The following GGA1 variants were observed in gnomAD, a reference collection of about 807,000 sequenced individuals.
GGA1 encodes golgi associated, gamma adaptin ear containing, ARF binding protein 1, also known as ADP-ribosylation factor-binding protein GGA1.
In GGA1, 18 loss-of-function variants were observed where a neutral mutation model predicts 76.9. The observed-to-expected ratio is 0.23, with a 90% CI of 0.16 to 0.35. The LOEUF (loss-of-function observed/expected upper bound fraction) is 0.35. Ranked by LOEUF, GGA1 falls within the 10% of genes least tolerant of loss-of-function variation. The pLI is 1.00. For missense variants in GGA1, 755 were observed against 859.0 expected (o/e 0.88, Z 1.51); for synonymous variants, 342 against 354.7 (o/e 0.96, Z 0.40).
At chr22:37,614,804 C>A (rs1411780893) in intron 2 of GGA1, among the ~76,000 whole-genome samples, 2 of 151,948 alleles carry the variant, frequency 1.3e-5, no homozygotes. Flanking sequence ...CATGGTGACA[C>A]CCCGTCTCTA....
chr22:37,611,815 T>G lies in GGA1; in HGVS notation c.44-2375T>G, dbSNP rs570220350. On this transcript the variant is annotated intron_variant, in intron 1 of 16. Transcript: ENST00000343632. ...GGAGAAATGAAGATCGAGCTCTGGC[T>G]GCCGCCATGGCCTTCCCATGCAAAA... is the stretch of plus-strand genomic sequence containing the variant. Among the ~76,000 whole-genome samples, 1,372 of 152,364 alleles carry G rather than the reference T, an allele frequency of 9.0e-3. 11 individuals are homozygous for G. Among genetic ancestry groups the G allele is most frequent in the Non-Finnish European group, 0.011 (764 of 68,040 alleles).
At chr22:37,610,450 T>C (rs1927298704) in intron 1 of GGA1, 1 of 152,206 alleles carries the variant, frequency 6.6e-6, no homozygotes, top group African/African-American at 2.4e-5. Flanking sequence ...TTCAAGTGAT[T>C]CTCCTGTCTC....
intron 1 of GGA1, among the ~76,000 whole-genome samples, chr22:37,611,812 G>C (rs1182548731): frequency 6.6e-6 from 1 of 152,240 alleles, no homozygotes; most frequent in African/African-American, 2.4e-5. Context: ...ATCGAGCTCT[G>C]GCTGCCGCCA....
chr22:37,620,196 G>T, intron 4 of GGA1, 42 bp from the exon 5 acceptor site: 1 of 1,611,358 alleles, frequency 6.2e-7, no homozygotes, highest in Non-Finnish European at 8.5e-7. Context: ...GAAGTGAGTG[G>T]GGCTGGGCAG....
At chr22:37,621,534 G>T in intron 6 of GGA1, 82 bp from the exon 7 acceptor site, 8 of 817,550 alleles carry the variant, frequency 9.8e-6, no homozygotes, top group Non-Finnish European at 1.4e-5. Flanking sequence ...CAGGCAGGAA[G>T]CGGGGAGCCA....
At chr22:37,629,879 C>A in intron 12 of GGA1, 119 bp from the exon 13 acceptor site, 1 of 772,872 alleles carries the variant, frequency 1.3e-6, no homozygotes, top group Non-Finnish European at 2.1e-6. Context: ...GGGTCCCCAC[C>A]TCTGTGGCTG....
chr22:37,624,953 C>T lies in GGA1; in HGVS notation c.833-16C>T, dbSNP rs1386556069. 2.6e-6 allele frequency: 4 copies of T among 1,566,414 alleles called. No homozygotes were observed. In the East Asian group the frequency reaches 7.1e-5, roughly 28 times the overall value. The stretch of plus-strand genomic sequence containing the variant: ...ACAGTCCTTCAGCCTGGCCTCTCCC[C>T]TCCTGCCTGTTCCAGCGGAGATCCT... On this transcript the variant is annotated splice_polypyrimidine_tract_variant and intron_variant, in intron 9 of 16. Coordinates refer to ENST00000343632, the MANE Select transcript of GGA1 (RefSeq NM_013365.5). This position sits in a 1 kb window ranked among gnomAD's most constrained non-coding sequence, Gnocchi z 4.3.
intron 1 of GGA1, among the ~76,000 whole-genome samples, chr22:37,613,470 G>A (rs936971700): frequency 2.6e-5 from 4 of 151,854 alleles, no homozygotes; most frequent in South Asian, 2.1e-4. Flanking sequence ...GCGAGACCTC[G>A]GCTCACTCCA....
At chr22:37,622,833 TC>T (rs1930141429) in intron 7 of GGA1, among the ~76,000 whole-genome samples, 1 of 152,128 alleles carries the variant, frequency 6.6e-6, no homozygotes, top group Admixed American at 6.5e-5. Context: ...GCCGGGCTGC[TC>T]CCAAAAGCAG....
chr22:37,631,977 C>T lies in GGA1; in HGVS notation c.1529-19C>T, dbSNP rs1474037542. The T allele has an allele frequency of 5.0e-6, 8 of 1,592,226 alleles. No homozygotes were observed. The highest frequency in any genetic ancestry group is 6.9e-6 in the Non-Finnish European group (8 of 1,166,282). The stretch of plus-strand genomic sequence containing the variant: ...GCTGCAGCTCAGCTGTCCCATCGCC[C>T]TCCCACCTTCTCCCACAGGCAACAT... On this transcript the variant is annotated intron_variant, in intron 14 of 16. Coordinates refer to ENST00000343632, the MANE Select transcript of GGA1 (RefSeq NM_013365.5).
chr22:37,609,247 C>G, intron 1 of GGA1: 1 of 1,177,536 alleles, frequency 8.5e-7, no homozygotes, highest in Non-Finnish European at 1.1e-6. Flanking sequence ...GGGGAAGGAG[C>G]ACGCGAGCGG....
At chr22:37,615,598 T>C (rs1199310009) in intron 2 of GGA1, among the ~76,000 whole-genome samples, 1 of 151,254 alleles carries the variant, frequency 6.6e-6, no homozygotes, top group Non-Finnish European at 1.5e-5. Context: ...ACCCCATCTC[T>C]ACTAAAAATG....
chr22:37,629,109 G>A (rs1601555419), intron 11 of GGA1, among the ~76,000 whole-genome samples: 1 of 152,350 alleles, frequency 6.6e-6, no homozygotes, highest in Non-Finnish European at 1.5e-5. Flanking sequence ...CCCTTGCCTG[G>A]ATGCGTGAGG....
rs1281450253 is a variant in GGA1, at chr22:37,608,887, T to C, written c.27T>C (p.Thr9=). 4 of 1,313,006 alleles carry C rather than the reference T, an allele frequency of 3.0e-6. No homozygotes were observed. Among genetic ancestry groups the C allele is most frequent in the Non-Finnish European group, 2.9e-6 (3 of 1,031,058 alleles). 81.3% of individuals were successfully genotyped at this position (1,313,006 alleles called of 1,614,324 possible). Residue 9 remains threonine (T), a synonymous_variant, in exon 1 of 17, where the codon ACT becomes ACC. Coordinates refer to ENST00000343632, the MANE Select transcript of GGA1 (RefSeq NM_013365.5). ...TGGAGCCCGCGATGGAGCCGGAGAC[T>C]CTGGAGGCGCGAATCAGTGAGTGTC... MEPAMEPE[T]LEARINRATN... is the part of the protein sequence containing the mutation.
chr22:37,617,565 G>A (rs1215358707), intron 3 of GGA1: 3 of 980,070 alleles, frequency 3.1e-6, no homozygotes, highest in Non-Finnish European at 3.6e-6. Flanking sequence ...TGGGTGCAGT[G>A]GCTTATACCT....
chr22:37,617,008 G>T lies in GGA1; in HGVS notation c.204+11G>T. ...ATCCAGGCCTTGACGGTGAGAAGGG[G>T]AGAGGCCACCATCCGTCCCCCGCCA... On this transcript the variant is annotated intron_variant, in intron 3 of 16. Coordinates refer to ENST00000343632, the MANE Select transcript of GGA1 (RefSeq NM_013365.5). 6.3e-7 allele frequency: 1 copy of T among 1,597,002 alleles called. No individual in the cohort carries two copies. Among genetic ancestry groups the T allele is most frequent in the Non-Finnish European group, 8.5e-7 (1 of 1,171,832 alleles).
chr22:37,617,097 A>T, intron 3 of GGA1, 100 bp downstream of exon 3: 1 of 1,543,488 alleles, frequency 6.5e-7, no homozygotes, highest in Non-Finnish European at 8.7e-7. Context: ...TTCAGAGCCC[A>T]AGAGAGTTGT....
chr22:37,622,989 A>C (rs1192761476), intron 7 of GGA1, among the ~76,000 whole-genome samples: 2 of 152,184 alleles, frequency 1.3e-5, no homozygotes, highest in Non-Finnish European at 2.9e-5. Context: ...GGGCAAACAC[A>C]AGGAGGGCAA....
At chr22:37,620,417 T>C (rs1220799784) in intron 5 of GGA1, 56 bp downstream of exon 5, 4 of 1,591,142 alleles carry the variant, frequency 2.5e-6, no homozygotes, top group East Asian at 2.2e-5. Context: ...TCCCCCACCA[T>C]GAGCTGGGGC....
Sources: allele counts gnomAD v4.1 joint callset (sites outside exome capture counted in the v4.1 genomes callset), GRCh38; gene constraint gnomAD v4.1.1; non-coding constraint Gnocchi (gnomAD v3.1); transcripts MANE v1.5; gene names NCBI Gene and HGNC (gene_info 2026-07-23, HGNC 2026-07-21).